The following AOAH variants were observed in gnomAD, a reference collection of about 807,000 sequenced individuals.
AOAH encodes acyloxyacyl hydrolase.
A neutral mutation model predicts 92.2 loss-of-function variants in AOAH; 64 were observed. The observed-to-expected ratio is 0.69, with a 90% CI of 0.57 to 0.86. The LOEUF (loss-of-function observed/expected upper bound fraction) is 0.86, where lower values mean the gene tolerates loss of function less well. Ranked by LOEUF, AOAH falls within the 40% of genes least tolerant of loss-of-function variation. AOAH has a pLI of 0.00. For synonymous variants in AOAH, 263 were observed against 254.5 expected, an observed-to-expected ratio of 1.03 and a Z score of -0.32; for missense variants, 656 against 694.6, an observed-to-expected ratio of 0.94 and a Z score of 0.62.
chr7:36,573,672 C>T (rs576657646), intron 13 of AOAH, among the ~76,000 whole-genome samples: 121 of 152,136 alleles, frequency 8.0e-4, no homozygotes, highest in Non-Finnish European at 1.4e-3. Flanking sequence ...GAGCTGAGAT[C>T]GCACCACTGC....
At chr7:36,664,023 T>C (rs1236629449) in intron 3 of AOAH, among the ~76,000 whole-genome samples, 1 of 138,084 alleles carries the variant, frequency 7.2e-6, no homozygotes, top group Non-Finnish European at 1.5e-5. Flanking sequence ...TGAGGTGTCA[T>C]TTAAGATCGT....
At chr7:36,576,201 A>G (rs1462601722) in intron 13 of AOAH, among the ~76,000 whole-genome samples, 2 of 152,208 alleles carry the variant, frequency 1.3e-5, no homozygotes, top group Non-Finnish European at 2.9e-5. Flanking sequence ...GAGACTTTGC[A>G]CCATCAGAGA....
At chr7:36,716,538 G>C (rs897995301) in intron 1 of AOAH, among the ~76,000 whole-genome samples, 1 of 149,084 alleles carries the variant, frequency 6.7e-6, no homozygotes, top group Non-Finnish European at 1.5e-5. Context: ...GTTTATTGCG[G>C]CACTATTCAC....
rs1411704878 is a variant in AOAH, at chr7:36,724,136, A to G, written c.13T>C (p.Trp5Arg). 3 of 1,613,228 alleles carry G rather than the reference A, an allele frequency of 1.9e-6. No homozygotes were observed. The Admixed American group carries it at 5.0e-5, about 27-fold the overall frequency. The change falls in exon 1 of 21, where the codon TGG becomes CGG. Residue 5 changes from tryptophan (W) to arginine (R), a missense_variant. Coordinates refer to ENST00000617537, the MANE Select transcript of AOAH (RefSeq NM_001637.4). MQSP[W>R]KILTVAPLFL... ...AGAGGCGCCACCGTAAGGATTTTCCAGGGGGACTGCATCTCCGAGCTATGC... is the reference window on the plus strand; with the variant it reads ...AGAGGCGCCACCGTAAGGATTTTCCGGGGGGACTGCATCTCCGAGCTATGC...
intron 2 of AOAH, among the ~76,000 whole-genome samples, chr7:36,678,606 CGCG>C (rs1423779162): frequency 2.9e-5 from 3 of 104,494 alleles, no homozygotes; most frequent in Non-Finnish European, 6.7e-5. Flanking sequence ...TGTGTGCGCG[CGCG>C]CGCGCGTTAG....
intron 3 of AOAH, among the ~76,000 whole-genome samples, chr7:36,666,158 C>T (rs1795519459): frequency 2.0e-5 from 3 of 151,984 alleles, no homozygotes; most frequent in Admixed American, 2.0e-4. Flanking sequence ...TAGAATCTAC[C>T]AGTGAATCTA....
intron 1 of AOAH, among the ~76,000 whole-genome samples, chr7:36,704,869 A>C (rs1798289890): frequency 6.6e-6 from 1 of 152,204 alleles, no homozygotes; most frequent in Admixed American, 6.5e-5. Context: ...AATCCATCAC[A>C]TAAACAGAAC....
At position 36,636,305 on chromosome 7, in the gene AOAH, A is replaced by C. The variant is rs557585245; in HGVS notation, c.450+1546T>G. Among the ~76,000 whole-genome samples the C allele has an allele frequency of 7.9e-5, 12 of 152,120 alleles. No homozygotes were observed. The South Asian group carries it at 2.3e-3, about 29-fold the overall frequency. On this transcript the variant is annotated intron_variant, in intron 5 of 20. Coordinates refer to ENST00000617537, the MANE Select transcript of AOAH (RefSeq NM_001637.4). The stretch of plus-strand genomic sequence containing the variant: ...AGAATTTTTTTTTTCACTTCTCGCG[A>C]GTAATTGTTGGAATCCTGCCCCGTG...
chr7:36,698,700 T>C (rs927683779), intron 1 of AOAH, among the ~76,000 whole-genome samples: 3 of 152,180 alleles, frequency 2.0e-5, no homozygotes, highest in African/African-American at 7.2e-5. Context: ...TAGATATACA[T>C]ATTTTCAGGG....
chr7:36,606,103 C>T (rs1224818449), intron 11 of AOAH, among the ~76,000 whole-genome samples: 1 of 152,074 alleles, frequency 6.6e-6, no homozygotes, highest in Non-Finnish European at 1.5e-5. Flanking sequence ...TTTCTGGAGT[C>T]GACATGAAGG....
At chr7:36,659,773 T>G (rs1463443508) in intron 3 of AOAH, among the ~76,000 whole-genome samples, 1 of 150,216 alleles carries the variant, frequency 6.7e-6, no homozygotes, top group Non-Finnish European at 1.5e-5. Context: ...TTTTTTTTTT[T>G]CCTGCGAGAG....
chr7:36,567,760 C>T (rs1787816810), intron 13 of AOAH, among the ~76,000 whole-genome samples: 1 of 152,176 alleles, frequency 6.6e-6, no homozygotes, highest in Non-Finnish European at 1.5e-5. Flanking sequence ...GTTCCTTTGA[C>T]AATTCTCTTG....
At chr7:36,716,328 T>C (rs1424780595) in intron 1 of AOAH, among the ~76,000 whole-genome samples, 21 of 151,128 alleles carry the variant, frequency 1.4e-4, no homozygotes, top group Non-Finnish European at 2.9e-4. Context: ...AAACAACAGG[T>C]GCTGGAGAGG....
intron 13 of AOAH, among the ~76,000 whole-genome samples, chr7:36,555,628 G>A (rs1370399280): frequency 6.6e-6 from 1 of 151,944 alleles, no homozygotes; most frequent in Admixed American, 6.6e-5. Flanking sequence ...ACTCTTTTTG[G>A]TTGGTAAGCT....
intron 16 of AOAH, among the ~76,000 whole-genome samples, chr7:36,533,701 T>TGTG (rs1562541682): frequency 1.4e-4 from 18 of 126,366 alleles, no homozygotes; most frequent in Non-Finnish European, 2.1e-4. Context: ...GTGTGTGTGT[T>TGTG]TGTGTGTGTG....
intron 15 of AOAH, among the ~76,000 whole-genome samples, chr7:36,546,390 T>A (rs1366458308): frequency 6.6e-6 from 1 of 152,226 alleles, no homozygotes; most frequent in Non-Finnish European, 1.5e-5. Context: ...GAGATATAGT[T>A]GCCATCTGTC....
intron 2 of AOAH, among the ~76,000 whole-genome samples, chr7:36,680,795 C>T (rs751087489): frequency 1.3e-5 from 2 of 152,152 alleles, no homozygotes; most frequent in Non-Finnish European, 2.9e-5. Flanking sequence ...TTTAAAATTG[C>T]TCCAGTTGAA....
chr7:36,594,714 A>G (rs1789987039), intron 11 of AOAH: 1 of 417,666 alleles, frequency 2.4e-6, no homozygotes, highest in Non-Finnish European at 4.4e-6. Flanking sequence ...CAGCAGACTA[A>G]ACTTCCCATT....
At chr7:36,541,685 C>G (rs1785435915) in intron 15 of AOAH, among the ~76,000 whole-genome samples, 1 of 152,122 alleles carries the variant, frequency 6.6e-6, no homozygotes, top group Admixed American at 6.5e-5. Context: ...GCACATGTAC[C>G]CCCATATCTA....
Sources: gnomAD v4.1 joint callset for allele counts (sites outside exome capture counted in the v4.1 genomes callset) on GRCh38, gnomAD v4.1.1 for gene constraint, MANE v1.5 for transcripts, NCBI Gene and HGNC (gene_info 2026-07-23, HGNC 2026-07-21) for gene names.